The following ADGRB3 variants were observed in gnomAD, a reference collection of about 807,000 sequenced individuals.
The protein encoded by ADGRB3 is brain-specific angiogenesis inhibitor 3.
ADGRB3 carries 37 observed loss-of-function variants against 193.4 expected under a neutral mutation model. That is an observed-to-expected ratio of 0.19 (90% confidence interval 0.15 to 0.25). ADGRB3 has a LOEUF of 0.25. Ranked by LOEUF, ADGRB3 falls within the 10% of genes least tolerant of loss-of-function variation. The pLI is 1.00. For synonymous variants in ADGRB3, 690 were observed against 644.2 expected, an observed-to-expected ratio of 1.07 and a Z score of -1.08; for missense variants, 1,637 against 1,852.9, an observed-to-expected ratio of 0.88 and a Z score of 2.14.
intron 20 of ADGRB3, among the ~76,000 whole-genome samples, chr6:69,297,142 A>G (rs978139552): frequency 6.6e-5 from 10 of 152,102 alleles, no homozygotes; most frequent in African/African-American, 1.4e-4. Context: ...CTTTGGTGCT[A>G]TGAGTTTCAT....
At chr6:68,674,373 G>C (rs1272972234) in intron 3 of ADGRB3, among the ~76,000 whole-genome samples, 1 of 151,992 alleles carries the variant, frequency 6.6e-6, no homozygotes, top group Non-Finnish European at 1.5e-5. Flanking sequence ...CACAAATAGT[G>C]ATAAAAATAT....
At chr6:69,124,558 A>G (rs928246477) in intron 17 of ADGRB3, among the ~76,000 whole-genome samples, 3 of 152,168 alleles carry the variant, frequency 2.0e-5, no homozygotes, top group Non-Finnish European at 4.4e-5. Flanking sequence ...TACATACTTT[A>G]TAGAGACTGA....
At chr6:69,295,530 C>T (rs1266151134) in intron 20 of ADGRB3, among the ~76,000 whole-genome samples, 2 of 152,102 alleles carry the variant, frequency 1.3e-5, no homozygotes, top group East Asian at 1.9e-4. Context: ...CACAGAGAGC[C>T]TCCTCCAAGG....
intron 6 of ADGRB3, among the ~76,000 whole-genome samples, chr6:68,945,130 T>C (rs1430577683): frequency 1.3e-5 from 2 of 152,080 alleles, no homozygotes; most frequent in South Asian, 2.1e-4. Context: ...TGTGTAGATA[T>C]GCAAAAGTCA....
intron 3 of ADGRB3, among the ~76,000 whole-genome samples, chr6:68,782,552 A>T (rs1766876545): frequency 1.3e-5 from 2 of 152,054 alleles, no homozygotes; most frequent in Admixed American, 6.6e-5. Context: ...CGCCACACTG[A>T]CTTCCACAAT....
chr6:68,708,819 G>A (rs928770447), intron 3 of ADGRB3, among the ~76,000 whole-genome samples: 1 of 152,130 alleles, frequency 6.6e-6, no homozygotes, highest in African/African-American at 2.4e-5. Flanking sequence ...CTTGCAAATA[G>A]TATCTAAGGA....
intron 17 of ADGRB3, among the ~76,000 whole-genome samples, chr6:69,168,872 TACAA>T (rs1221255852): frequency 5.9e-5 from 9 of 152,128 alleles, no homozygotes; most frequent in Non-Finnish European, 1.2e-4. Flanking sequence ...ATAGTTACAC[TACAA>T]ACAAAATTTT....
intron 20 of ADGRB3, among the ~76,000 whole-genome samples, chr6:69,279,020 G>T (rs1767361330): frequency 7.3e-6 from 1 of 136,630 alleles, no homozygotes; most frequent in Non-Finnish European, 1.5e-5. Context: ...TCTGTTTCAA[G>T]AATTCACTTC....
intron 3 of ADGRB3, among the ~76,000 whole-genome samples, chr6:68,692,995 C>T (rs958308709): frequency 6.6e-6 from 1 of 151,034 alleles, no homozygotes; most frequent in Non-Finnish European, 1.5e-5. Flanking sequence ...AATATTACCA[C>T]TTATTTCAAA....
intron 17 of ADGRB3, among the ~76,000 whole-genome samples, chr6:69,215,181 T>C (rs897461727): frequency 6.6e-6 from 1 of 152,140 alleles, no homozygotes; most frequent in Admixed American, 6.5e-5. Flanking sequence ...AAAAAGGACA[T>C]TAGAGATACG....
chr6:69,190,057 C>T (rs1765155977), intron 17 of ADGRB3, among the ~76,000 whole-genome samples: 2 of 151,958 alleles, frequency 1.3e-5, no homozygotes, highest in Non-Finnish European at 2.9e-5. Flanking sequence ...CAATTATGTA[C>T]GGTACATAAT....
chr6:68,977,819 A>G (rs1221755664), intron 10 of ADGRB3, among the ~76,000 whole-genome samples: 1 of 151,872 alleles, frequency 6.6e-6, no homozygotes, highest in Non-Finnish European at 1.5e-5. Flanking sequence ...AGTTTACATA[A>G]AAAGAATCTG....
intron 14 of ADGRB3, 101 bp downstream of exon 14, chr6:69,048,435 T>C (rs1038822662): frequency 1.6e-4 from 182 of 1,169,256 alleles, no homozygotes; most frequent in Admixed American, 2.3e-4. Flanking sequence ...AGTTTAGAAA[T>C]AGTCTGTAAT....
At position 68,639,153 on chromosome 6, in the gene ADGRB3, A is replaced by C; in HGVS notation, c.478A>C (p.Lys160Gln). 6.2e-7 allele frequency: 1 copy of C among 1,614,196 alleles called. No homozygotes were observed. The highest frequency in any genetic ancestry group is 8.5e-7 in the Non-Finnish European group (1 of 1,180,048). ...TTTTTTTGAGTTTTTGGTATTGAAC[A>C]AGGTCAGCCCAAGCCAGTTTGGTTG... ...KSFFEFLVLNKVSPSQFGCHV... is the reference protein window; with the variant it reads ...KSFFEFLVLNQVSPSQFGCHV... The change falls in exon 3 of 32, where the codon AAG (lysine) becomes CAG (glutamine). Residue 160 changes from lysine (K) to glutamine (Q), a missense_variant. This residue lies in a region of ADGRB3 where 365 missense variants were observed against 409.8 expected (regional missense o/e 0.89). Transcript: ENST00000370598.
intron 17 of ADGRB3, among the ~76,000 whole-genome samples, chr6:69,145,673 T>G (rs1169785554): frequency 1.3e-5 from 2 of 151,662 alleles, no homozygotes; most frequent in African/African-American, 2.4e-5. Context: ...TATTGAGTGA[T>G]AGAGCAGCTC....
chr6:68,910,863 G>T (rs1445915588), intron 3 of ADGRB3, among the ~76,000 whole-genome samples: 3 of 152,034 alleles, frequency 2.0e-5, no homozygotes, highest in African/African-American at 7.2e-5. Flanking sequence ...TTGTTCTTTT[G>T]GCTTAGGATT....
intron 3 of ADGRB3, among the ~76,000 whole-genome samples, chr6:68,833,094 TAAACC>T (rs1403532211): frequency 6.6e-6 from 1 of 152,156 alleles, no homozygotes; most frequent in Non-Finnish European, 1.5e-5. Context: ...TTCATGATTT[TAAACC>T]AAAATAACCA....
chr6:68,644,845 G>A (rs1409590852), intron 3 of ADGRB3, among the ~76,000 whole-genome samples: 1 of 152,096 alleles, frequency 6.6e-6, no homozygotes, highest in Admixed American at 6.5e-5. Flanking sequence ...GCATTTGTTT[G>A]TATGTATACA....
At chr6:69,299,315 T>C (rs946288773) in intron 20 of ADGRB3, among the ~76,000 whole-genome samples, 1 of 151,896 alleles carries the variant, frequency 6.6e-6, no homozygotes, top group African/African-American at 2.4e-5. Flanking sequence ...CATTCTGGTA[T>C]GGGTAGTTGG....
Sources: gnomAD v4.1 joint callset for allele counts (sites outside exome capture counted in the v4.1 genomes callset) on GRCh38, gnomAD v4.1.1 for gene constraint, gnomAD v4.1.1 regional missense constraint, MANE v1.5 for transcripts, NCBI Gene and HGNC (gene_info 2026-07-23, HGNC 2026-07-21) for gene names.